Variants in FARS2 observed in about 807,000 individuals in gnomAD.
The protein encoded by FARS2 is phenylalanine--tRNA ligase, mitochondrial.
FARS2 carries 40 observed loss-of-function variants against 46.4 expected under a neutral mutation model. That is an observed-to-expected ratio of 0.86 (90% confidence interval 0.67 to 1.12). FARS2 has a LOEUF of 1.12. Among genes scored for constraint, FARS2 ranks in the 50% most tolerant of loss-of-function variants. The pLI is 0.00. For synonymous variants in FARS2, 234 were observed against 214.9 expected (o/e 1.09, Z -0.78); for missense variants, 513 against 567.9 (o/e 0.90, Z 0.98).
At chr6:5,403,455 G>C (rs1761379083) in intron 2 of FARS2, among the ~76,000 whole-genome samples, 1 of 152,150 alleles carries the variant, frequency 6.6e-6, no homozygotes. Flanking sequence ...TCAGTTGATA[G>C]GTTAGATAGG....
intron 4 of FARS2, among the ~76,000 whole-genome samples, chr6:5,435,076 A>G (rs77590401): frequency 0.026 from 3,996 of 152,306 alleles, 194 homozygotes; most frequent in African/African-American, 0.088. Context: ...GGAGAAAGGT[A>G]ATTCAGATCA....
chr6:5,711,791 T>TCCA (rs1359718495), intron 6 of FARS2, among the ~76,000 whole-genome samples: 21 of 152,134 alleles, frequency 1.4e-4, no homozygotes, highest in Non-Finnish European at 3.1e-4. Flanking sequence ...AAATGCAGTG[T>TCCA]GGGATCCTGG....
chr6:5,581,428 T>A (rs954210539), intron 5 of FARS2, among the ~76,000 whole-genome samples: 10 of 152,200 alleles, frequency 6.6e-5, no homozygotes, highest in Non-Finnish European at 1.2e-4. Context: ...CTGTCATATG[T>A]CTAGCCGGCT....
intron 6 of FARS2, among the ~76,000 whole-genome samples, chr6:5,685,200 C>T (rs1757103286): frequency 1.3e-5 from 2 of 152,178 alleles, no homozygotes; most frequent in Admixed American, 6.5e-5. Flanking sequence ...ATAGTTTCCT[C>T]ACATCTGCCA....
At chr6:5,581,712 C>T (rs1773338008) in intron 5 of FARS2, among the ~76,000 whole-genome samples, 1 of 152,146 alleles carries the variant, frequency 6.6e-6, no homozygotes, top group African/African-American at 2.4e-5. Context: ...CCCTTAATTC[C>T]TGATGTGCTT....
At chr6:5,514,266 C>G (rs1156730146) in intron 4 of FARS2, among the ~76,000 whole-genome samples, 2 of 152,140 alleles carry the variant, frequency 1.3e-5, no homozygotes, top group African/African-American at 4.8e-5. Flanking sequence ...TAATGAAATT[C>G]TCTCCAAGTA....
At chr6:5,476,261 C>T (rs1055607376) in intron 4 of FARS2, among the ~76,000 whole-genome samples, 3 of 152,200 alleles carry the variant, frequency 2.0e-5, no homozygotes, top group South Asian at 2.1e-4. Context: ...GAGATGTTAT[C>T]TCCTTCTCAA....
At chr6:5,297,185 C>A (rs566963242) in intron 1 of FARS2, among the ~76,000 whole-genome samples, 101 of 152,242 alleles carry the variant, frequency 6.6e-4, no homozygotes, top group Non-Finnish European at 9.9e-4. Flanking sequence ...GAATTTGACT[C>A]CAGAAGCTTA....
chr6:5,274,857 C>T (rs1766226522), intron 1 of FARS2, among the ~76,000 whole-genome samples: 2 of 152,122 alleles, frequency 1.3e-5, no homozygotes, highest in Non-Finnish European at 2.9e-5. Context: ...ACTACAGGTG[C>T]ATGCCACCTC....
chr6:5,341,235 A>ATTTTT lies in FARS2; in HGVS notation c.-21-27297_-21-27293dup, dbSNP rs70974193. Among the ~76,000 whole-genome samples the ATTTTT allele has an allele frequency of 5.6e-3, 57 of 10,256 alleles. 10 individuals carry two copies. Among genetic ancestry groups the ATTTTT allele is most frequent in the East Asian group, 8.8e-3 (2 of 228 alleles). The allele number at this position is 10,256 out of a possible 152,430, so 6.7% of individuals were successfully genotyped here. ...TATATATATATATATATATATATAT[A>ATTTTT]TTTTTTTTTTTTTTTTTTTTTTCCC... On this transcript the variant is annotated intron_variant, in intron 1 of 6. Transcript: ENST00000274680.
At chr6:5,373,199 T>A (rs1484637107) in intron 2 of FARS2, among the ~76,000 whole-genome samples, 1 of 152,056 alleles carries the variant, frequency 6.6e-6, no homozygotes, top group African/African-American at 2.4e-5. Flanking sequence ...ACTTCCACAA[T>A]CAAATTTACG....
intron 4 of FARS2, among the ~76,000 whole-genome samples, chr6:5,517,946 G>A (rs553154085): frequency 1.3e-5 from 2 of 152,332 alleles, no homozygotes; most frequent in Admixed American, 6.5e-5. Flanking sequence ...ACAGGAAGAT[G>A]TGGTAGGAGT....
intron 6 of FARS2, among the ~76,000 whole-genome samples, chr6:5,637,254 C>G (rs1718816164): frequency 6.6e-6 from 1 of 152,236 alleles, no homozygotes; most frequent in Admixed American, 6.5e-5. Context: ...GCTTCATCTT[C>G]CACATATCAC....
rs201074448 is a variant in FARS2, at chr6:5,407,043, TTATA to T, written c.772+2363_772+2366del. 1.3e-3 allele frequency among the ~76,000 whole-genome samples: 113 copies of T among 83,896 alleles called. 13 individuals are homozygous for T. The highest frequency in any genetic ancestry group is 4.7e-3 in the African/African-American group (97 of 20,598). The allele number at this position is 83,896 out of a possible 152,430, so 55.0% of individuals were successfully genotyped here. ...AATGGGTGAACATGAAGGTGGCAAA[TTATA>T]TATATATATATATATATATAATGAC... On this transcript the variant is annotated intron_variant, in intron 3 of 6. Coordinates refer to ENST00000274680, the MANE Select transcript of FARS2 (RefSeq NM_006567.5).
chr6:5,690,813 T>C (rs1757648748), intron 6 of FARS2, among the ~76,000 whole-genome samples: 1 of 152,232 alleles, frequency 6.6e-6, no homozygotes, highest in South Asian at 2.1e-4. Context: ...GGTTCCATTC[T>C]CCCCATCACT....
intron 6 of FARS2, among the ~76,000 whole-genome samples, chr6:5,691,031 C>T (rs1031874063): frequency 2.6e-5 from 4 of 152,130 alleles, no homozygotes; most frequent in Non-Finnish European, 5.9e-5. Flanking sequence ...GTTCTCGTGC[C>T]GTGGTTTTCA....
rs140807463 is a variant in FARS2 at position 5,504,095 on chromosome 6, G to A, written c.905-41085G>A. Among the ~76,000 whole-genome samples, 178 of 152,294 alleles carry A rather than the reference G, an allele frequency of 1.2e-3. 1 individual carries two copies. The East Asian group carries it at 0.013, about 11-fold the overall frequency. On this transcript the variant is annotated intron_variant, in intron 4 of 6. Transcript: ENST00000274680. ...TCCTCACAAAAGCAGAGTAGGGAGT[G>A]ACAAATTATAGGATGAGGGCCCAAT...
chr6:5,736,112 C>A (rs919068576), intron 6 of FARS2, among the ~76,000 whole-genome samples: 1 of 150,418 alleles, frequency 6.6e-6, no homozygotes, highest in Admixed American at 6.5e-5. Flanking sequence ...GCTGGAGGAC[C>A]CCCTTCCAAG....
intron 3 of FARS2, among the ~76,000 whole-genome samples, chr6:5,415,310 C>CTT (rs773981175): frequency 0.076 from 4,043 of 53,340 alleles, 182 homozygotes; most frequent in East Asian, 0.14. Flanking sequence ...CTTTTCTTTT[C>CTT]TTTTTTTTTT....
Sources: allele counts gnomAD v4.1 joint callset (sites outside exome capture counted in the v4.1 genomes callset), GRCh38; gene constraint gnomAD v4.1.1; transcripts MANE v1.5; gene names NCBI Gene and HGNC (gene_info 2026-07-23, HGNC 2026-07-21).